Variants in NRG1 observed in about 807,000 individuals in gnomAD.
The protein encoded by NRG1 is pro-neuregulin-1, membrane-bound isoform.
In NRG1, 18 loss-of-function variants were observed where a neutral mutation model predicts 63.8. That is an observed-to-expected ratio of 0.28 (90% CI 0.19 to 0.42). The LOEUF (loss-of-function observed/expected upper bound fraction) is 0.42. Ranked by LOEUF, NRG1 falls within the 10% of genes least tolerant of loss-of-function variation. The pLI is 1.00. For missense variants in NRG1, 762 were observed against 814.7 expected (o/e 0.94, Z 0.79); for synonymous variants, 302 against 301.3 (o/e 1.00, Z -0.02).
chr8:32,547,341 C>T (rs1196111406), upstream of NRG1, among the ~76,000 whole-genome samples: 2 of 152,120 alleles, frequency 1.3e-5, no homozygotes, highest in Non-Finnish European at 2.9e-5. Context: ...CCCACATTCA[C>T]GAATTAAGGA....
At chr8:31,915,075 T>TC (rs148704587) in intron 1 of NRG1, among the ~76,000 whole-genome samples, 18,457 of 151,958 alleles carry the variant, frequency 0.12, 1,272 homozygotes, top group Admixed American at 0.19. Context: ...CAGACCATTT[T>TC]TTTTTTACAA....
chr8:31,665,485 A>G (rs748238455), intron 1 of NRG1, among the ~76,000 whole-genome samples: 8 of 152,216 alleles, frequency 5.3e-5, no homozygotes, highest in Non-Finnish European at 7.3e-5. Flanking sequence ...ATAGTCTAGA[A>G]CTATTGAAGG....
At chr8:32,474,784 G>C (rs569889259) in intron 1 of NRG1, among the ~76,000 whole-genome samples, 1 of 152,094 alleles carries the variant, frequency 6.6e-6, no homozygotes, top group South Asian at 2.1e-4. Context: ...GATTACAGGC[G>C]TGAGCCACTG....
At chr8:32,562,747 G>A (rs1328865204) in intron 1 of NRG1, among the ~76,000 whole-genome samples, 1 of 152,118 alleles carries the variant, frequency 6.6e-6, no homozygotes, top group African/African-American at 2.4e-5. Flanking sequence ...GAGGGAATCA[G>A]GAACCTTGGT....
At chr8:32,265,161 A>G (rs1356540030) in intron 1 of NRG1, among the ~76,000 whole-genome samples, 1 of 151,744 alleles carries the variant, frequency 6.6e-6, no homozygotes, top group East Asian at 1.9e-4. Flanking sequence ...ATATGGTGAG[A>G]CCTCTCTACA....
At chr8:32,061,260 A>G (rs190386669) in intron 1 of NRG1, among the ~76,000 whole-genome samples, 1 of 152,054 alleles carries the variant, frequency 6.6e-6, no homozygotes, top group African/African-American at 2.4e-5. Flanking sequence ...AATTTTTAGG[A>G]TTTAAAGTAC....
At chr8:31,956,254 A>G (rs1247479366) in intron 1 of NRG1, among the ~76,000 whole-genome samples, 1 of 152,092 alleles carries the variant, frequency 6.6e-6, no homozygotes, top group African/African-American at 2.4e-5. Flanking sequence ...GTCAGTGCTG[A>G]TAAGTATGAG....
intron 1 of NRG1, among the ~76,000 whole-genome samples, chr8:32,170,362 T>A (rs1839900013): frequency 1.3e-5 from 2 of 152,322 alleles, no homozygotes; most frequent in South Asian, 4.1e-4. Context: ...GGAGTTGGCA[T>A]TTTCTGAAAG....
At chr8:32,652,661 T>C (rs1172588588) in intron 5 of NRG1, among the ~76,000 whole-genome samples, 2 of 152,168 alleles carry the variant, frequency 1.3e-5, no homozygotes, top group Admixed American at 1.3e-4. Flanking sequence ...ATTACAAACA[T>C]ACAAAAAAAA....
At chr8:32,648,059 T>G in intron 5 of NRG1, 2 of 1,614,100 alleles carry the variant, frequency 1.2e-6, no homozygotes, top group Non-Finnish European at 1.7e-6. Context: ...ACCTTGACCC[T>G]GGGGGGTTAG....
At chr8:32,039,816 C>T (rs1164879254) in intron 1 of NRG1, among the ~76,000 whole-genome samples, 1 of 151,400 alleles carries the variant, frequency 6.6e-6, no homozygotes, top group African/African-American at 2.4e-5. Flanking sequence ...ACCAGGAGTT[C>T]GAGACCAGCC....
chr8:31,888,698 G>A (rs1830913343), intron 1 of NRG1, among the ~76,000 whole-genome samples: 1 of 151,600 alleles, frequency 6.6e-6, no homozygotes, highest in Non-Finnish European at 1.5e-5. Flanking sequence ...AAAACGATCA[G>A]CCACAATAAT....
At chr8:32,408,727 G>T (rs533895223) in intron 1 of NRG1, among the ~76,000 whole-genome samples, 10 of 152,110 alleles carry the variant, frequency 6.6e-5, no homozygotes, top group Non-Finnish European at 1.5e-4. Context: ...AAGAAGGCTG[G>T]GTTTGTTTTT....
At chr8:32,525,871 G>T (rs948612185) in intron 1 of NRG1, among the ~76,000 whole-genome samples, 18 of 152,092 alleles carry the variant, frequency 1.2e-4, no homozygotes, top group Admixed American at 3.3e-4. Context: ...TGACAAGTCA[G>T]TTGTTACAAA....
intron 1 of NRG1, among the ~76,000 whole-genome samples, chr8:31,896,931 A>G (rs1459458049): frequency 6.6e-6 from 1 of 152,204 alleles, no homozygotes; most frequent in East Asian, 1.9e-4. Flanking sequence ...ACTTGTGTTT[A>G]GATCCTCATG....
At chr8:32,003,685 C>T (rs1813301195) in intron 1 of NRG1, among the ~76,000 whole-genome samples, 1 of 151,704 alleles carries the variant, frequency 6.6e-6, no homozygotes, top group Non-Finnish European at 1.5e-5. Context: ...ATTATAAAAG[C>T]ATTAAGAACC....
intron 1 of NRG1, among the ~76,000 whole-genome samples, chr8:31,988,269 G>A (rs1336115099): frequency 1.3e-5 from 2 of 152,082 alleles, no homozygotes; most frequent in Non-Finnish European, 2.9e-5. Flanking sequence ...TTAATTGATT[G>A]ACACTTAATT....
At chr8:32,666,494 G>GA (rs369958790) in intron 5 of NRG1, among the ~76,000 whole-genome samples, 6 of 151,922 alleles carry the variant, frequency 3.9e-5, no homozygotes, top group African/African-American at 1.4e-4. Flanking sequence ...TCAAGAGGGG[G>GA]AAAAAAAAGA....
At chr8:32,715,027 G>A (rs1420550834) in intron 5 of NRG1, among the ~76,000 whole-genome samples, 1 of 152,066 alleles carries the variant, frequency 6.6e-6, no homozygotes, top group African/African-American at 2.4e-5. Context: ...AGGCTGGAGT[G>A]TAGTGGCACA....
Sources: gnomAD v4.1 joint callset for allele counts (sites outside exome capture counted in the v4.1 genomes callset) on GRCh38, gnomAD v4.1.1 for gene constraint, MANE v1.5 for transcripts, NCBI Gene and HGNC (gene_info 2026-07-23, HGNC 2026-07-21) for gene names.